Variants in KLHL20 observed in about 807,000 individuals in gnomAD.
The protein encoded by KLHL20 is kelch like family member 20.
A neutral mutation model predicts 69.5 loss-of-function variants in KLHL20; 29 were observed. That is an observed-to-expected ratio of 0.42 (90% CI 0.31 to 0.57). The LOEUF (loss-of-function observed/expected upper bound fraction) is 0.57. KLHL20 is among the 20% of genes least tolerant of loss of function. KLHL20 has a pLI of 0.18. For missense variants in KLHL20, 419 were observed against 776.0 expected, an observed-to-expected ratio of 0.54 and a Z score of 5.47; for synonymous variants, 253 against 265.2, an observed-to-expected ratio of 0.95 and a Z score of 0.45.
At chr1:173,768,252 ATAGT>A (rs536152102) in intron 8 of KLHL20, among the ~76,000 whole-genome samples, 208 of 152,308 alleles carry the variant, frequency 1.4e-3, no homozygotes, top group Non-Finnish European at 2.6e-3. Flanking sequence ...TGGTGTACAA[ATAGT>A]TAATTTTGGT....
chr1:173,758,907 T>G (rs1357893410), intron 7 of KLHL20, among the ~76,000 whole-genome samples: 1 of 152,206 alleles, frequency 6.6e-6, no homozygotes, highest in African/African-American at 2.4e-5. Flanking sequence ...AAATCCTGCA[T>G]GCAGACTTCA....
chr1:173,741,867 C>T, intron 3 of KLHL20: 1 of 1,580,934 alleles, frequency 6.3e-7, no homozygotes, highest in Admixed American at 1.7e-5. Flanking sequence ...TGTCCTCTGC[C>T]AGCCTACAGG....
chr1:173,734,118 A>G lies in KLHL20; in HGVS notation c.429A>G (p.Pro143=). Residue 143 remains proline (P), a synonymous_variant, in exon 3 of 12, where the codon CCA becomes CCG. Transcript: ENST00000209884. ...AGGGCAATGTTCAGACTCTTCTGCCAGCTGCTTGCCTCCTCCAGCTGGCAG... is the reference window on the plus strand; with the variant it reads ...AGGGCAATGTTCAGACTCTTCTGCCGGCTGCTTGCCTCCTCCAGCTGGCAG... ...VEEGNVQTLL[P]AACLLQLAEI... is the part of the protein sequence containing the mutation. The G allele has an allele frequency of 6.2e-7, 1 of 1,614,222 alleles. No homozygotes were observed. The highest frequency in any genetic ancestry group is 8.5e-7 in the Non-Finnish European group (1 of 1,180,050).
At chr1:173,779,411 T>C (rs6674381) in intron 10 of KLHL20, among the ~76,000 whole-genome samples, 51,288 of 149,468 alleles carry the variant, frequency 0.34, 9,635 homozygotes, top group African/African-American at 0.51. Context: ...AGTGCAGTGG[T>C]GCAATCTCAG....
chr1:173,766,956 T>A lies in KLHL20; in HGVS notation c.1295+667T>A, dbSNP rs151254116. Among the ~76,000 whole-genome samples the A allele has an allele frequency of 2.7e-3, 414 of 152,298 alleles. 3 individuals are homozygous for A. Among genetic ancestry groups the A allele is most frequent in the African/African-American group, 9.3e-3 (385 of 41,550 alleles). ...AATCTACTCTCAAGTGTATAATACGTTGTTATTAACTATAGTTACTATGTT... is the reference window on the plus strand; with the variant it reads ...AATCTACTCTCAAGTGTATAATACGATGTTATTAACTATAGTTACTATGTT... On this transcript the variant is annotated intron_variant, in intron 8 of 11. Coordinates refer to ENST00000209884, the MANE Select transcript of KLHL20 (RefSeq NM_014458.4).
chr1:173,727,924 C>G (rs947265665), intron 2 of KLHL20, among the ~76,000 whole-genome samples: 4 of 151,980 alleles, frequency 2.6e-5, no homozygotes, highest in African/African-American at 9.7e-5. Flanking sequence ...TATAAATGGA[C>G]TACATGCTTC....
At chr1:173,784,830 G>A (rs1227176194) in intron 11 of KLHL20, among the ~76,000 whole-genome samples, 2 of 152,212 alleles carry the variant, frequency 1.3e-5, no homozygotes, top group African/African-American at 4.8e-5. Context: ...TGAAAATGTA[G>A]AATATATAAT....
At chr1:173,737,577 T>C (rs1441637839) in intron 3 of KLHL20, among the ~76,000 whole-genome samples, 1 of 152,254 alleles carries the variant, frequency 6.6e-6, no homozygotes, top group African/African-American at 2.4e-5. Flanking sequence ...TCCATTGGTC[T>C]ATGTACCTAT....
chr1:173,735,847 T>C (rs1205473140), intron 3 of KLHL20, among the ~76,000 whole-genome samples: 4 of 151,870 alleles, frequency 2.6e-5, no homozygotes, highest in African/African-American at 7.3e-5. Flanking sequence ...TGAGAACATA[T>C]CATTTTTGGT....
chr1:173,743,119 TA>T (rs34507412), intron 3 of KLHL20, among the ~76,000 whole-genome samples: 12,501 of 136,750 alleles, frequency 0.091, 1,753 homozygotes, highest in African/African-American at 0.3. Context: ...AAGGAATGTG[TA>T]AAAAAAAAAA....
At chr1:173,765,862 A>T (rs571798312) in intron 7 of KLHL20, among the ~76,000 whole-genome samples, 1 of 152,270 alleles carries the variant, frequency 6.6e-6, no homozygotes, top group Non-Finnish European at 1.5e-5. Context: ...GTCTTGAAGG[A>T]TATATGCCAA....
At chr1:173,778,188 A>G (rs532780966) in intron 10 of KLHL20, among the ~76,000 whole-genome samples, 93 of 151,994 alleles carry the variant, frequency 6.1e-4, no homozygotes, top group African/African-American at 2.1e-3. Context: ...CGTCATTTAC[A>G]TTAGGTATTT....
At chr1:173,722,687 ATT>A (rs66503240) in intron 2 of KLHL20, among the ~76,000 whole-genome samples, 14 of 138,262 alleles carry the variant, frequency 1.0e-4, no homozygotes, top group Admixed American at 2.2e-4. Context: ...TGCTATGGTA[ATT>A]TTTTTTTTTT....
chr1:173,768,044 GT>G (rs1290024292), intron 8 of KLHL20, among the ~76,000 whole-genome samples: 8 of 152,104 alleles, frequency 5.3e-5, no homozygotes, highest in African/African-American at 1.9e-4. Context: ...TGTGAAATCT[GT>G]TCTGATTTTT....
chr1:173,732,659 C>G (rs188290483), intron 2 of KLHL20, among the ~76,000 whole-genome samples: 6 of 152,252 alleles, frequency 3.9e-5, no homozygotes, highest in Non-Finnish European at 5.9e-5. Context: ...AGCACTCTTA[C>G]CATAGAAAAA....
At chr1:173,768,634 C>CA (rs1647883232) in intron 8 of KLHL20, among the ~76,000 whole-genome samples, 1 of 152,036 alleles carries the variant, frequency 6.6e-6, no homozygotes, top group Non-Finnish European at 1.5e-5. Context: ...TAATAGATAG[C>CA]AAAGCTAAAA....
At chr1:173,780,810 A>G (rs1026829773) in intron 10 of KLHL20, among the ~76,000 whole-genome samples, 5 of 151,360 alleles carry the variant, frequency 3.3e-5, no homozygotes, top group Non-Finnish European at 7.4e-5. Context: ...GCTCACTGCA[A>G]CCTCCACCTC....
intron 3 of KLHL20, among the ~76,000 whole-genome samples, chr1:173,749,969 A>G (rs1305911232): frequency 6.6e-6 from 1 of 152,194 alleles, no homozygotes; most frequent in Admixed American, 6.5e-5. Context: ...CAGATAAAAT[A>G]CAGGGCACCC....
At chr1:173,778,328 T>A (rs1196975390) in intron 10 of KLHL20, among the ~76,000 whole-genome samples, 1 of 151,996 alleles carries the variant, frequency 6.6e-6, no homozygotes, top group Admixed American at 6.6e-5. Flanking sequence ...TTGATCTCAT[T>A]ACTTTTTTGT....
Sources: gnomAD v4.1 joint callset for allele counts (sites outside exome capture counted in the v4.1 genomes callset) on GRCh38, gnomAD v4.1.1 for gene constraint, MANE v1.5 for transcripts, NCBI Gene and HGNC (gene_info 2026-07-23, HGNC 2026-07-21) for gene names.